Variants in DCUN1D1 observed in about 807,000 individuals in gnomAD.
DCUN1D1 encodes DCN1-like protein 1.
In DCUN1D1, 3 loss-of-function variants were observed where a neutral mutation model predicts 39.0. That is an observed-to-expected ratio of 0.08 (90% CI 0.04 to 0.20). The LOEUF is 0.20. Among genes scored for constraint, DCUN1D1 ranks in the 10% least tolerant of loss-of-function variants. The pLI, the probability that DCUN1D1 is intolerant of heterozygous loss-of-function variation, is 1.00. For missense variants in DCUN1D1, 158 were observed against 302.4 expected (o/e 0.52, Z 3.54); for synonymous variants, 82 against 96.3 (o/e 0.85, Z 0.87).
chr3:182,959,501 C>CA (rs11373344), intron 4 of DCUN1D1, among the ~76,000 whole-genome samples: 3,983 of 80,966 alleles, frequency 0.049, 65 homozygotes, highest in African/African-American at 0.13. Flanking sequence ...CTTCAAAAAC[C>CA]AAAAAAAAAA....
At position 182,940,730 on chromosome 3, in the gene DCUN1D1, TG is replaced by T. The variant is rs1252372899; in HGVS notation, c.*4363del. 6.6e-6 allele frequency: 1 copy of T among 152,142 alleles called. No homozygotes were observed. Among genetic ancestry groups the T allele is most frequent in the Non-Finnish European group, 1.5e-5 (1 of 68,040 alleles). 9.4% of individuals were successfully genotyped at this position (152,142 alleles called of 1,614,324 possible). A position where few individuals can be genotyped will look rare whatever the true frequency, so the allele number is the denominator to read the frequency against. ...AGTTACAGCTTCAAGACCAATGCTC[TG>T]AAGTATTACAAGCTACATTATGATT... On this transcript the variant is annotated 3_prime_UTR_variant, in exon 7 of 7. Transcript: ENST00000292782.
At chr3:182,947,518 AAC>A in intron 5 of DCUN1D1, 30 bp downstream of exon 5, 2 of 1,331,652 alleles carry the variant, frequency 1.5e-6, no homozygotes, top group Non-Finnish European at 2.1e-6. Flanking sequence ...AATTTGAGAA[AAC>A]AGAGAGAAAT....
intron 4 of DCUN1D1, among the ~76,000 whole-genome samples, chr3:182,948,654 C>T (rs973137900): frequency 6.6e-6 from 1 of 152,156 alleles, no homozygotes; most frequent in Non-Finnish European, 1.5e-5. Context: ...ACTTAAAAGT[C>T]CTTTTATTGA....
chr3:182,980,145 GC>G, intron 1 of DCUN1D1: 2 of 838,494 alleles, frequency 2.4e-6, no homozygotes, highest in Non-Finnish European at 2.9e-6. Context: ...CAAGGCCGTT[GC>G]CCCCTCCCCT....
chr3:182,940,703 C>T lies in DCUN1D1; in HGVS notation c.*4391G>A, dbSNP rs908728929. ...CCTACCTCATGAAGGACAGCAGCCC[C>T]AAGTTACAGCTTCAAGACCAATGCT... On this transcript the variant is annotated 3_prime_UTR_variant, in exon 7 of 7. Transcript: ENST00000292782. 1 of 152,128 alleles carries T rather than the reference C, an allele frequency of 6.6e-6. No homozygotes were observed. The highest frequency in any genetic ancestry group is 2.4e-5 in the African/African-American group (1 of 41,422). 9.4% of individuals were successfully genotyped at this position (152,128 alleles called of 1,614,324 possible). A position where few individuals can be genotyped will look rare whatever the true frequency, so the allele number is the denominator to read the frequency against.
At position 182,966,606 on chromosome 3, in the gene DCUN1D1, G is replaced by C. The variant is rs369715946; in HGVS notation, c.4-853C>G. Reference sequence around the variant, plus strand: ...CATCTGACCTAAACCCACAGGAAAAGAAGGCAGGATACTCTCTCCCAGTAT... The same window carrying C: ...CATCTGACCTAAACCCACAGGAAAACAAGGCAGGATACTCTCTCCCAGTAT... On this transcript the variant is annotated intron_variant, in intron 1 of 6. Coordinates refer to ENST00000292782, the MANE Select transcript of DCUN1D1 (RefSeq NM_020640.4). Among the ~76,000 whole-genome samples the C allele has an allele frequency of 1.8e-4, 28 of 152,170 alleles. No individual in the cohort carries two copies. The East Asian group carries it at 4.1e-3, about 22-fold the overall frequency.
rs1241741311 is a variant in DCUN1D1 at position 182,944,530 on chromosome 3, T to C, written c.*564A>G. On this transcript the variant is annotated 3_prime_UTR_variant, in exon 7 of 7. Transcript: ENST00000292782. ...CTGACATTGTTTTTTCATCAGATAC[T>C]CACATCAACAACACATGTGATTTGC... is the stretch of plus-strand genomic sequence containing the variant. The C allele has an allele frequency of 2.0e-5, 3 of 152,026 alleles. No individual in the cohort carries two copies. Among genetic ancestry groups the C allele is most frequent in the African/African-American group, 4.8e-5 (2 of 41,278 alleles). The allele number at this position is 152,026 out of a possible 1,614,324, so 9.4% of individuals were successfully genotyped here. A position where few individuals can be genotyped will look rare whatever the true frequency, so the allele number is the denominator to read the frequency against.
At chr3:182,974,763 T>TA (rs11425594) in intron 1 of DCUN1D1, among the ~76,000 whole-genome samples, 87,162 of 147,072 alleles carry the variant, frequency 0.59, 28,815 homozygotes, top group Non-Finnish European at 0.77. Flanking sequence ...TAATAGACTT[T>TA]AAAAAAAAAA....
intron 3 of DCUN1D1, 113 bp downstream of exon 3, chr3:182,963,768 A>G: frequency 2.1e-6 from 2 of 941,604 alleles, no homozygotes; most frequent in Non-Finnish European, 1.5e-6. Flanking sequence ...ACCCATTTCT[A>G]TTTATACCAA....
intron 1 of DCUN1D1, among the ~76,000 whole-genome samples, chr3:182,973,829 A>C (rs1728077474): frequency 6.6e-6 from 1 of 152,088 alleles, no homozygotes; most frequent in Admixed American, 6.5e-5. Flanking sequence ...AAAATTCAGA[A>C]GTATATCTGT....
chr3:182,965,257 T>G (rs1727611743), intron 2 of DCUN1D1, among the ~76,000 whole-genome samples: 1 of 152,220 alleles, frequency 6.6e-6, no homozygotes, highest in African/African-American at 2.4e-5. Flanking sequence ...TTCCTTAGAC[T>G]GGTTCAGCTG....
rs191035946 is a variant in DCUN1D1, at chr3:182,973,895, A to C, written c.3+6592T>G. On this transcript the variant is annotated intron_variant, in intron 1 of 6. Coordinates refer to ENST00000292782, the MANE Select transcript of DCUN1D1 (RefSeq NM_020640.4). ...ATACTTTTCTTAACAGGTTTTTAAAAAGTAGGCAACTAATGAAAATTTAAA... is the reference window on the plus strand; with the variant it reads ...ATACTTTTCTTAACAGGTTTTTAAACAGTAGGCAACTAATGAAAATTTAAA... Among the ~76,000 whole-genome samples, 694 of 152,312 alleles carry C rather than the reference A, an allele frequency of 4.6e-3. 5 individuals are homozygous for C. The highest frequency in any genetic ancestry group is 0.011 in the Admixed American group (161 of 15,304).
intron 6 of DCUN1D1, among the ~76,000 whole-genome samples, chr3:182,946,556 CAAA>C (rs71185614): frequency 9.7e-5 from 6 of 61,560 alleles, no homozygotes; most frequent in East Asian, 5.9e-4. Context: ...GACTCCATCT[CAAA>C]AAAAAAAAAA....
upstream of DCUN1D1, among the ~76,000 whole-genome samples, chr3:182,985,036 A>C (rs976095042): frequency 6.6e-6 from 1 of 152,252 alleles, no homozygotes; most frequent in African/African-American, 2.4e-5. Flanking sequence ...TTATAAATAC[A>C]TAAGGGTAAA....
At chr3:182,982,097 C>T (rs1190255532), upstream of DCUN1D1, among the ~76,000 whole-genome samples, 5 of 152,178 alleles carry the variant, frequency 3.3e-5, no homozygotes, top group Admixed American at 6.5e-5. Context: ...TTGAAATAAT[C>T]GTTTGTGGGT....
chr3:182,958,774 A>G (rs7631213), intron 4 of DCUN1D1, among the ~76,000 whole-genome samples: 1,954 of 152,298 alleles, frequency 0.013, 43 homozygotes, highest in African/African-American at 0.046. Context: ...CCTGTAATCT[A>G]AAATTCCAAT....
intron 1 of DCUN1D1, among the ~76,000 whole-genome samples, chr3:182,978,613 A>T (rs1728363342): frequency 1.3e-5 from 2 of 152,190 alleles, no homozygotes; most frequent in Admixed American, 1.3e-4. Flanking sequence ...GCTCTCAAGC[A>T]ATCCTCCTGC....
intron 1 of DCUN1D1, among the ~76,000 whole-genome samples, chr3:182,972,974 G>A (rs1057206701): frequency 5.7e-4 from 86 of 152,166 alleles, no homozygotes; most frequent in African/African-American, 2.0e-3. Context: ...CCCGGGAGGC[G>A]GAGGTTGTGG....
intron 6 of DCUN1D1, 131 bp from the exon 7 acceptor site, chr3:182,945,304 C>G (rs1166338559): frequency 1.5e-6 from 1 of 646,366 alleles, no homozygotes; most frequent in Admixed American, 3.5e-5. Flanking sequence ...TCTATTCCCA[C>G]TGATTAAGTC....
Sources: gnomAD v4.1 joint callset for allele counts (sites outside exome capture counted in the v4.1 genomes callset) on GRCh38, gnomAD v4.1.1 for gene constraint, MANE v1.5 for transcripts, NCBI Gene and HGNC (gene_info 2026-07-23, HGNC 2026-07-21) for gene names.